HEATR4: variants seen among roughly 807,000 people sequenced by gnomAD.
HEATR4 encodes HEAT repeat containing 4.
In HEATR4, 95 loss-of-function variants were observed where a neutral mutation model predicts 108.8. The ratio of observed to expected loss-of-function variants is 0.87; its 90% CI spans 0.74 to 1.04. The LOEUF (loss-of-function observed/expected upper bound fraction) is 1.04. Ranked by LOEUF, HEATR4 falls within the 50% of genes least tolerant of loss-of-function variation. The pLI is 0.00. For missense variants in HEATR4, 1,152 were observed against 1,253.8 expected (o/e 0.92, Z 1.23); for synonymous variants, 443 against 459.4 (o/e 0.96, Z 0.46).
chr14:73,585,444 G>C, the HEATR4 span, among the ~76,000 whole-genome samples: 3 of 152,108 alleles, frequency 2.0e-5, no homozygotes, highest in Admixed American at 6.5e-5. Context: ...CAGCACTTTG[G>C]GAGGCTGAGG....
At chr14:73,593,840 A>G in the HEATR4 span, 2 of 1,613,946 alleles carry the variant, frequency 1.2e-6, no homozygotes, top group Admixed American at 3.3e-5. Flanking sequence ...CTCCCCAATA[A>G]CATGGACAAC....
chr14:73,511,807 C>A (rs1272900785), intron 7 of HEATR4, among the ~76,000 whole-genome samples, 199 bp downstream of exon 7: 1 of 152,178 alleles, frequency 6.6e-6, no homozygotes, highest in East Asian at 1.9e-4. Flanking sequence ...AAATGTAGTT[C>A]AAAAATTACT....
chr14:73,582,343 T>A, the HEATR4 span: 1 of 150,854 alleles, frequency 6.6e-6, no homozygotes, highest in South Asian at 2.1e-4. Context: ...ACTGGAACAT[T>A]ATAAAACGTT....
Position 73,537,935 on chromosome 14 carries a change from C to CTGTGTG in HEATR4, c.-151-7697_-151-7692dup, listed in dbSNP as rs375758117. 4,211 of 1,094,576 alleles carry CTGTGTG rather than the reference C, an allele frequency of 3.8e-3. 640 individuals are homozygous for CTGTGTG. The African/African-American group carries it at 0.065, about 17-fold the overall frequency. The allele number at this position is 1,094,576 out of a possible 1,614,324, so 67.8% of individuals were successfully genotyped here. A position where few individuals can be genotyped will look rare whatever the true frequency, so the allele number is the denominator to read the frequency against. ...CCCATCCCTGTTCCTGCGCTTTCCA[C>CTGTGTG]TGTGTGTGTGTGTGTGTCCCCTTCG... On this transcript the variant is annotated intron_variant, in intron 1 of 17. Transcript: ENST00000553558.
the HEATR4 span, among the ~76,000 whole-genome samples, chr14:73,616,503 G>A: frequency 6.6e-6 from 1 of 151,886 alleles, no homozygotes; most frequent in Non-Finnish European, 1.5e-5. Flanking sequence ...GACCAGCCTG[G>A]CCAACATGGC....
At chr14:73,541,194 G>A (rs1251798936) in intron 1 of HEATR4, among the ~76,000 whole-genome samples, 1 of 112,610 alleles carries the variant, frequency 8.9e-6, no homozygotes, top group African/African-American at 3.0e-5. Flanking sequence ...AGAGGAATTT[G>A]TGCTCTTCTA....
the HEATR4 span, among the ~76,000 whole-genome samples, chr14:73,573,875 T>G: frequency 6.6e-6 from 1 of 151,992 alleles, no homozygotes; most frequent in Non-Finnish European, 1.5e-5. Context: ...TACAGGCACC[T>G]GCCACCATGC....
At chr14:73,573,866 A>G in the HEATR4 span, among the ~76,000 whole-genome samples, 11 of 152,088 alleles carry the variant, frequency 7.2e-5, no homozygotes, top group Admixed American at 2.0e-4. Flanking sequence ...AGTTGGGATT[A>G]CAGGCACCTG....
chr14:73,590,452 G>A, the HEATR4 span, among the ~76,000 whole-genome samples: 1 of 152,266 alleles, frequency 6.6e-6, no homozygotes, highest in East Asian at 1.9e-4. Context: ...AGGTGGAGCT[G>A]CCTGCCAGTC....
rs780436966 is a variant in HEATR4, at chr14:73,520,844, T to C, written c.1069+8A>G. The C allele has an allele frequency of 9.3e-6, 15 of 1,612,190 alleles. No homozygotes were observed. The highest frequency in any genetic ancestry group is 5.0e-5 in the Admixed American group (3 of 59,890). On this transcript the variant is annotated splice_region_variant and intron_variant, in intron 4 of 17. Coordinates refer to ENST00000553558, the MANE Select transcript of HEATR4 (RefSeq NM_001220484.1). ...TGTGCCCCTACCACAGGGGCCCAGC[T>C]CTATTACCAAAGTAAATCTCCTGTT...
chr14:73,559,184 A>T (rs1415069813), upstream of HEATR4, among the ~76,000 whole-genome samples: 3 of 151,810 alleles, frequency 2.0e-5, no homozygotes, highest in African/African-American at 4.8e-5. Context: ...CCTAGGCTGG[A>T]GTGCAGTGGT....
At chr14:73,592,080 G>C in the HEATR4 span, 3 of 1,486,688 alleles carry the variant, frequency 2.0e-6, no homozygotes, top group Non-Finnish European at 2.7e-6. Flanking sequence ...CCTGCGCGAC[G>C]AGAAGGGCGC....
At chr14:73,621,329 G>T in the HEATR4 span, among the ~76,000 whole-genome samples, 2 of 152,114 alleles carry the variant, frequency 1.3e-5, no homozygotes, top group Non-Finnish European at 2.9e-5. Context: ...TGCCTGCCTG[G>T]AGGAATGCCT....
At chr14:73,502,795 C>T (rs1043208002) in intron 11 of HEATR4, 100 bp downstream of exon 11, 5 of 818,734 alleles carry the variant, frequency 6.1e-6, no homozygotes, top group South Asian at 2.8e-5. Context: ...GATCCGCCCA[C>T]CCCGTCTTCC....
chr14:73,595,572 A>G, the HEATR4 span: 5 of 1,583,488 alleles, frequency 3.2e-6, no homozygotes, highest in Non-Finnish European at 4.3e-6. Context: ...TCTAAGGCCC[A>G]GGAAGATGCC....
chr14:73,570,003 A>G, the HEATR4 span: 1 of 1,401,438 alleles, frequency 7.1e-7, no homozygotes, highest in Non-Finnish European at 9.3e-7. Flanking sequence ...TATATTGCCC[A>G]GGCAGGTTTC....
chr14:73,509,582 C>T, intron 7 of HEATR4, 109 bp from the exon 8 acceptor site: 2 of 1,053,672 alleles, frequency 1.9e-6, no homozygotes, highest in Admixed American at 2.0e-5. Flanking sequence ...GCTGCAGTTG[C>T]TTAGTGCTAT....
the HEATR4 span, among the ~76,000 whole-genome samples, chr14:73,597,380 G>A: frequency 3.3e-5 from 5 of 151,364 alleles, no homozygotes; most frequent in South Asian, 2.1e-4. Flanking sequence ...CACCATGCCC[G>A]GCCATTATTT....
chr14:73,500,870 T>G, intron 11 of HEATR4, 140 bp from the exon 12 acceptor site: 7 of 707,288 alleles, frequency 9.9e-6, no homozygotes, highest in Non-Finnish European at 1.6e-5. Flanking sequence ...GAGATAAGTT[T>G]TACTGGGTAC....
Sources: allele counts gnomAD v4.1 joint callset (sites outside exome capture counted in the v4.1 genomes callset), GRCh38; gene constraint gnomAD v4.1.1; transcripts MANE v1.5; gene names NCBI Gene and HGNC (gene_info 2026-07-23, HGNC 2026-07-21).